Variants in AVEN observed in about 807,000 individuals in gnomAD.
The protein encoded by AVEN is cell death regulator Aven.
Under a neutral mutation model 38.1 loss-of-function variants are expected in AVEN, and 41 were observed. That is an observed-to-expected ratio of 1.08 (90% CI 0.84 to 1.40). The LOEUF is 1.40. Ranked by LOEUF, AVEN falls within the 40% of genes most tolerant of loss-of-function variation. AVEN has a pLI of 0.00. For synonymous variants in AVEN, 206 were observed against 171.8 expected (o/e 1.20, Z -1.56); for missense variants, 605 against 438.8 (o/e 1.38, Z -3.38).
At chr15:33,873,327 T>G (rs965086612) in intron 3 of AVEN, among the ~76,000 whole-genome samples, 2 of 150,672 alleles carry the variant, frequency 1.3e-5, no homozygotes, top group Admixed American at 6.6e-5. Context: ...CTCGAACTCC[T>G]GACCTCAGGT....
At chr15:33,864,246 C>A, downstream of AVEN, 2 of 1,327,526 alleles carry the variant, frequency 1.5e-6, no homozygotes, top group Non-Finnish European at 2.1e-6. Flanking sequence ...AATCTTGAGA[C>A]TTAGTAGGGC....
chr15:34,028,106 CCCT>C (rs1898584058), intron 1 of AVEN, among the ~76,000 whole-genome samples: 1 of 152,122 alleles, frequency 6.6e-6, no homozygotes, highest in Non-Finnish European at 1.5e-5. Flanking sequence ...GAGAGACCCC[CCCT>C]CAGCAAAAGC....
chr15:33,853,638 C>T, the AVEN span: 2 of 1,613,844 alleles, frequency 1.2e-6, no homozygotes, highest in Non-Finnish European at 1.7e-6. Context: ...TTGACTTTAG[C>T]CCAGTAGAAG....
chr15:34,054,646 G>C (rs1478964827), intron 5 of AVEN, among the ~76,000 whole-genome samples: 1 of 152,078 alleles, frequency 6.6e-6, no homozygotes, highest in African/African-American at 2.4e-5. Context: ...AGAACACAAG[G>C]GCACATCCAG....
intron 2 of AVEN, among the ~76,000 whole-genome samples, chr15:33,897,295 A>AT (rs1597207060): frequency 0.056 from 10 of 178 alleles, no homozygotes; most frequent in South Asian, 0.5. Context: ...ACATAAATTA[A>AT]TTAATTAATT....
chr15:34,051,377 T>C (rs943161441), intron 5 of AVEN, among the ~76,000 whole-genome samples: 1 of 152,130 alleles, frequency 6.6e-6, no homozygotes, highest in South Asian at 2.1e-4. Flanking sequence ...TAAATGCTTA[T>C]ATCAAAAAGC....
In AVEN at chr15:34,063,361, G is replaced by A. The variant is rs774588600; in HGVS notation, n.1198C>T. 1.2e-5 allele frequency: 19 copies of A among 1,613,882 alleles called. No individual in the cohort carries two copies. The Admixed American group carries it at 1.5e-4, about 13-fold the overall frequency. Reference sequence around the variant, plus strand: ...TCTGTCATGACCATCCTCTACTGTCGAATCTACCGGGAAACAGAGAAGCGA... The same window carrying A: ...TCTGTCATGACCATCCTCTACTGTCAAATCTACCGGGAAACAGAGAAGCGA... On this transcript the variant is annotated non_coding_transcript_exon_variant, in exon 5 of 12. Coordinates refer to the AVEN transcript ENST00000675287. This position sits in a 1 kb window ranked among gnomAD's most constrained non-coding sequence, Gnocchi z 4.1.
At chr15:33,868,322 G>T (rs1025486401) in intron 4 of AVEN, among the ~76,000 whole-genome samples, 1 of 152,034 alleles carries the variant, frequency 6.6e-6, no homozygotes, top group Non-Finnish European at 1.5e-5. Flanking sequence ...AGGAGATTGA[G>T]ACCATCCTGG....
intron 2 of AVEN, chr15:33,991,000 C>A (rs189745325): frequency 3.3e-5 from 5 of 152,242 alleles, no homozygotes; most frequent in Admixed American, 2.6e-4. Context: ...GTCCCTCTGG[C>A]AACTGATGAG....
In AVEN at chr15:34,063,759, A is replaced by G; in HGVS notation, n.1127-327T>C. ...TGAAGAGACTGAGGAAACTTTTGTG[A>G]AAGCTGAAACTGAAAAAAGTGACTA... On this transcript the variant is annotated intron_variant and non_coding_transcript_variant, in intron 4 of 11. Coordinates refer to the AVEN transcript ENST00000675287. This position sits in a 1 kb window ranked among gnomAD's most constrained non-coding sequence, Gnocchi z 4.1. The G allele has an allele frequency of 1.9e-6, 3 of 1,614,260 alleles. No individual in the cohort carries two copies. The highest frequency in any genetic ancestry group is 2.7e-5 in the African/African-American group (2 of 75,072).
At chr15:33,853,692 G>A in the AVEN span, 1 of 1,610,046 alleles carries the variant, frequency 6.2e-7, no homozygotes, top group African/African-American at 1.3e-5. Context: ...GGTACAAAAA[G>A]CTTAGGAGTT....
chr15:33,908,245 A>C (rs1475466399), intron 2 of AVEN, among the ~76,000 whole-genome samples: 1 of 106,112 alleles, frequency 9.4e-6, no homozygotes, highest in African/African-American at 2.7e-5. Context: ...ATTACACATA[A>C]CCAGGATTCT....
chr15:33,922,053 G>A (rs1893416971), intron 2 of AVEN, among the ~76,000 whole-genome samples: 1 of 152,066 alleles, frequency 6.6e-6, no homozygotes, highest in Admixed American at 6.6e-5. Flanking sequence ...ATCCAATGGT[G>A]TTTATTAGTA....
chr15:33,888,027 T>C (rs1298882466), intron 2 of AVEN, among the ~76,000 whole-genome samples: 1 of 151,886 alleles, frequency 6.6e-6, no homozygotes, highest in Non-Finnish European at 1.5e-5. Flanking sequence ...ATACTACCAA[T>C]ATAAACAAGT....
intron 2 of AVEN, among the ~76,000 whole-genome samples, chr15:33,949,873 C>A (rs1020677346): frequency 1.3e-5 from 2 of 152,010 alleles, no homozygotes; most frequent in African/African-American, 4.8e-5. Flanking sequence ...GGGTATACGG[C>A]CAAAATGAAA....
chr15:33,948,327 C>T (rs1181729881), intron 2 of AVEN, among the ~76,000 whole-genome samples: 1 of 151,622 alleles, frequency 6.6e-6, no homozygotes, highest in Admixed American at 6.6e-5. Flanking sequence ...GAACTCCTGA[C>T]CTTGTGATCC....
intron 2 of AVEN, among the ~76,000 whole-genome samples, chr15:33,945,890 A>T (rs1198986622): frequency 6.6e-6 from 1 of 152,116 alleles, no homozygotes; most frequent in African/African-American, 2.4e-5. Context: ...TGGCCCGAAA[A>T]TGTTTATTTT....
intron 2 of AVEN, among the ~76,000 whole-genome samples, chr15:34,002,052 C>T (rs1897156845): frequency 6.6e-6 from 1 of 152,202 alleles, no homozygotes; most frequent in South Asian, 2.1e-4. Flanking sequence ...AGAAAGATCT[C>T]TTGTACACAT....
At chr15:33,981,613 A>C (rs1201342162) in intron 2 of AVEN, among the ~76,000 whole-genome samples, 10 of 152,178 alleles carry the variant, frequency 6.6e-5, no homozygotes, top group African/African-American at 2.4e-4. Flanking sequence ...AGGGGGCGAG[A>C]GTGCAATATA....
Sources: allele counts gnomAD v4.1 joint callset (sites outside exome capture counted in the v4.1 genomes callset), GRCh38; gene constraint gnomAD v4.1.1; non-coding constraint Gnocchi (gnomAD v3.1); transcripts MANE v1.5; gene names NCBI Gene and HGNC (gene_info 2026-07-23, HGNC 2026-07-21).